LAMP1: variants seen among roughly 807,000 people sequenced by gnomAD.
The protein encoded by LAMP1 is lysosome associated membrane protein 1, also known as lysosome-associated membrane glycoprotein 1.
LAMP1 carries 7 observed loss-of-function variants against 37.5 expected under a neutral mutation model. That is an observed-to-expected ratio of 0.19 (90% CI 0.11 to 0.35). The LOEUF is 0.35. Among genes scored for constraint, LAMP1 ranks in the 10% least tolerant of loss-of-function variants. The pLI is 1.00. For synonymous variants in LAMP1, 236 were observed against 229.1 expected, an observed-to-expected ratio of 1.03 and a Z score of -0.27; for missense variants, 537 against 552.8, an observed-to-expected ratio of 0.97 and a Z score of 0.29.
Position 113,306,501 on chromosome 13 carries a change from G to C in LAMP1, c.78G>C (p.Ala26=). ...AATTGACAGGCCTCATGCATTGTGC[G>C]TCAGCAGCAATGTTTATGGTGAAAA... ...LLLLLGLMHC[A]SAAMFMVKNG... Residue 26 remains alanine (A), a synonymous_variant, in exon 2 of 9, where the codon GCG becomes GCC. Coordinates refer to ENST00000332556, the MANE Select transcript of LAMP1 (RefSeq NM_005561.4). 1 of 1,613,958 alleles carries C rather than the reference G, an allele frequency of 6.2e-7. No individual in the cohort carries two copies. Among genetic ancestry groups the C allele is most frequent in the Non-Finnish European group, 8.5e-7 (1 of 1,179,900 alleles).
chr13:113,319,424 G>A, intron 4 of LAMP1, 45 bp from the exon 5 acceptor site: 1 of 1,525,110 alleles, frequency 6.6e-7, no homozygotes, highest in Non-Finnish European at 8.9e-7. Context: ...ACTGCTGATG[G>A]TTATGAGAAA....
chr13:113,318,281 G>A (rs1166833552), intron 4 of LAMP1, among the ~76,000 whole-genome samples: 1 of 152,234 alleles, frequency 6.6e-6, no homozygotes, highest in African/African-American at 2.4e-5. Flanking sequence ...GGATATGAAG[G>A]TGGGAATTGG....
intron 4 of LAMP1, among the ~76,000 whole-genome samples, chr13:113,318,401 A>G (rs572333145): frequency 6.6e-6 from 1 of 152,170 alleles, no homozygotes; most frequent in Non-Finnish European, 1.5e-5. Flanking sequence ...ACGCGTGGTG[A>G]CTCAGCCTAG....
intron 1 of LAMP1, among the ~76,000 whole-genome samples, chr13:113,304,374 C>T (rs2042588297): frequency 6.6e-6 from 1 of 152,246 alleles, no homozygotes; most frequent in Non-Finnish European, 1.5e-5. Context: ...CTGTGTCTGC[C>T]TGTCCGCTGC....
chr13:113,315,546 C>T (rs528547248), intron 4 of LAMP1, among the ~76,000 whole-genome samples: 187 of 151,494 alleles, frequency 1.2e-3, no homozygotes, highest in South Asian at 4.4e-3. Flanking sequence ...CACATCACCA[C>T]GTCTGGTTAA....
chr13:113,310,369 T>C (rs965364517), intron 3 of LAMP1, among the ~76,000 whole-genome samples: 6 of 151,486 alleles, frequency 4.0e-5, no homozygotes, highest in Middle Eastern at 3.2e-3. Flanking sequence ...CTACTAAAAA[T>C]ACAAAAATTA....
Position 113,299,274 on chromosome 13 carries a change from C to CT in LAMP1, c.61+1790dup, listed in dbSNP as rs75937787. Among the ~76,000 whole-genome samples, 212 of 147,874 alleles carry CT rather than the reference C, an allele frequency of 1.4e-3. 2 individuals carry two copies. In the East Asian group the frequency reaches 0.02, roughly 14 times the overall value. ...ATATCTTTTATGTTTACAATCTTAA[C>CT]TTTTTTTTTTTGAGGCGGAGTTGCT... On this transcript the variant is annotated intron_variant, in intron 1 of 8. Coordinates refer to ENST00000332556, the MANE Select transcript of LAMP1 (RefSeq NM_005561.4).
chr13:113,305,546 T>A (rs757034276), intron 1 of LAMP1: 1 of 152,164 alleles, frequency 6.6e-6, no homozygotes, highest in Non-Finnish European at 1.5e-5. Flanking sequence ...GGAGTATGAG[T>A]AAGTCAGAGA....
Position 113,306,341 on chromosome 13 carries a change from G to A in LAMP1, c.62-144G>A, listed in dbSNP as rs537410358. 6 of 884,056 alleles carry A rather than the reference G, an allele frequency of 6.8e-6. No individual in the cohort carries two copies. The South Asian group carries it at 1.0e-4, about 15-fold the overall frequency. The allele number at this position is 884,056 out of a possible 1,614,324, so 54.8% of individuals were successfully genotyped here. On this transcript the variant is annotated intron_variant, in intron 1 of 8. Transcript: ENST00000332556. ...CACTGCACCCCAGCCTGGCGACAGT[G>A]AGACTCCGTCTCAAAAAAAAAAAAA... is the stretch of plus-strand genomic sequence containing the variant.
chr13:113,315,062 G>C (rs1234936672), intron 4 of LAMP1, among the ~76,000 whole-genome samples: 9 of 129,564 alleles, frequency 6.9e-5, no homozygotes, highest in Non-Finnish European at 1.1e-4. Flanking sequence ...TGGAGATGTC[G>C]GTGTGTCTGG....
intron 2 of LAMP1, 95 bp downstream of exon 2, chr13:113,306,701 A>G: frequency 7.2e-7 from 1 of 1,397,246 alleles, no homozygotes; most frequent in South Asian, 1.3e-5. Flanking sequence ...GCCCCATCTG[A>G]ACATGGTGCT....
rs562136762 is a variant in LAMP1, at chr13:113,322,099, C to T, written c.1115-183C>T. The T allele has an allele frequency of 6.6e-5, 44 of 662,614 alleles. 1 individual carries two copies. The highest frequency in any genetic ancestry group is 6.3e-4 in the South Asian group (31 of 48,942). The allele number at this position is 662,614 out of a possible 1,614,324, so 41.0% of individuals were successfully genotyped here. On this transcript the variant is annotated intron_variant, in intron 8 of 8. Transcript: ENST00000332556. ...GGGGGAGAGACGTGTGTGGTTTCCT[C>T]GCCGTGCAGAGAGCACCAGTCTCTG...
chr13:113,322,181 C>G lies in LAMP1; in HGVS notation c.1115-101C>G, dbSNP rs180727100. ...GAGCTGGAACCTTCCGCCAGGGTTC[C>G]TCTTTGCCTTTTGGCTGATGTGGGG... On this transcript the variant is annotated intron_variant, in intron 8 of 8. Coordinates refer to ENST00000332556, the MANE Select transcript of LAMP1 (RefSeq NM_005561.4). The G allele has an allele frequency of 6.1e-4, 831 of 1,355,378 alleles. 5 individuals are homozygous for G. Among genetic ancestry groups the G allele is most frequent in the Non-Finnish European group, 4.7e-5 (47 of 999,562 alleles). The allele number at this position is 1,355,378 out of a possible 1,614,324, so 84.0% of individuals were successfully genotyped here.
At position 113,321,329 on chromosome 13, in the gene LAMP1, G is replaced by A; in HGVS notation, c.877-75G>A. 8.5e-7 allele frequency: 1 copy of A among 1,171,418 alleles called. No homozygotes were observed. 72.6% of individuals were successfully genotyped at this position (1,171,418 alleles called of 1,614,324 possible). A position where few individuals can be genotyped will look rare whatever the true frequency, so the allele number is the denominator to read the frequency against. The stretch of plus-strand genomic sequence containing the variant: ...TGACCATTCACGTTTGATGATAAAT[G>A]TGTGAATCTACTGGGGTTAAAGATC... On this transcript the variant is annotated intron_variant, in intron 6 of 8. Coordinates refer to ENST00000332556, the MANE Select transcript of LAMP1 (RefSeq NM_005561.4). The surrounding 1 kb of genome is among the most constrained non-coding windows in gnomAD (Gnocchi z 5.6).
chr13:113,315,109 C>T (rs1201663086), intron 4 of LAMP1, among the ~76,000 whole-genome samples: 9 of 143,886 alleles, frequency 6.3e-5, no homozygotes, highest in Admixed American at 3.4e-4. Flanking sequence ...GTGGAGATGT[C>T]GGTGTGCCTG....
chr13:113,322,251 G>C (rs755717306), intron 8 of LAMP1, 31 bp from the exon 9 acceptor site: 1 of 1,588,982 alleles, frequency 6.3e-7, no homozygotes, highest in African/African-American at 1.3e-5. Context: ...TGTGTGAGCA[G>C]AGCCCTGACA....
At chr13:113,300,974 C>A (rs896001743) in intron 1 of LAMP1, among the ~76,000 whole-genome samples, 1 of 152,116 alleles carries the variant, frequency 6.6e-6, no homozygotes, top group South Asian at 2.1e-4. Flanking sequence ...TAGCCCCATC[C>A]CAGACAACGT....
intron 2 of LAMP1, 113 bp downstream of exon 2, chr13:113,306,719 T>C (rs951210819): frequency 2.6e-6 from 3 of 1,167,128 alleles, no homozygotes; most frequent in Admixed American, 5.0e-5. Context: ...GCTTTTCCTA[T>C]CTGCATATCT....
intron 2 of LAMP1, 52 bp downstream of exon 2, chr13:113,306,658 T>A: frequency 6.3e-7 from 1 of 1,577,178 alleles, no homozygotes; most frequent in Non-Finnish European, 8.6e-7. Context: ...GGAAAGATGA[T>A]TTTTAACATT....
Sources: allele counts gnomAD v4.1 joint callset (sites outside exome capture counted in the v4.1 genomes callset), GRCh38; gene constraint gnomAD v4.1.1; non-coding constraint Gnocchi (gnomAD v3.1); transcripts MANE v1.5; gene names NCBI Gene and HGNC (gene_info 2026-07-23, HGNC 2026-07-21).